The following TDRD5 variants were observed in gnomAD, a reference collection of about 807,000 sequenced individuals.
TDRD5 encodes the protein tudor domain containing 5.
TDRD5 carries 41 observed loss-of-function variants against 120.6 expected under a neutral mutation model. That is an observed-to-expected ratio of 0.34 (90% CI 0.26 to 0.44). The LOEUF (loss-of-function observed/expected upper bound fraction) is 0.44. Ranked by LOEUF, TDRD5 falls within the 20% of genes least tolerant of loss-of-function variation. TDRD5 has a pLI of 1.00. For synonymous variants in TDRD5, 430 were observed against 433.7 expected (o/e 0.99, Z 0.11); for missense variants, 1,006 against 1,221.2 (o/e 0.82, Z 2.63).
chr1:179,674,188 A>T (rs1415282920), intron 17 of TDRD5, among the ~76,000 whole-genome samples: 1 of 152,200 alleles, frequency 6.6e-6, no homozygotes, highest in Admixed American at 6.5e-5. Context: ...TGAGTTTGTC[A>T]TAGATGGATT....
At chr1:179,644,509 AT>A (rs1678233646) in intron 11 of TDRD5, among the ~76,000 whole-genome samples, 1 of 152,096 alleles carries the variant, frequency 6.6e-6, no homozygotes, top group African/African-American at 2.4e-5. Context: ...ATTTTGACTA[AT>A]TTTTTAATCT....
chr1:179,687,860 T>C (rs1243705205), intron 17 of TDRD5, among the ~76,000 whole-genome samples: 1 of 141,256 alleles, frequency 7.1e-6, no homozygotes, highest in Non-Finnish European at 1.5e-5. Flanking sequence ...AGACTAGGAT[T>C]GCAACCCCTG....
At chr1:179,654,162 A>G (rs756004042) in intron 13 of TDRD5, 39 bp from the exon 14 acceptor site, 5 of 1,461,250 alleles carry the variant, frequency 3.4e-6, no homozygotes, top group South Asian at 1.4e-5. Context: ...AAACAGCATT[A>G]ATATTTAAAA....
At chr1:179,623,625 CTTTTT>C (rs11428251) in intron 6 of TDRD5, among the ~76,000 whole-genome samples, 137 of 97,898 alleles carry the variant, frequency 1.4e-3, no homozygotes, top group African/African-American at 3.7e-3. Flanking sequence ...CCAACTCATT[CTTTTT>C]TTTTTTTTTT....
chr1:179,688,939 A>G (rs1051799082), intron 17 of TDRD5, among the ~76,000 whole-genome samples: 1 of 152,176 alleles, frequency 6.6e-6, no homozygotes, highest in African/African-American at 2.4e-5. Flanking sequence ...CTAGTTAGCC[A>G]TTCATCTAAT....
At chr1:179,599,615 A>G (rs1254354009) in intron 4 of TDRD5, among the ~76,000 whole-genome samples, 2 of 152,032 alleles carry the variant, frequency 1.3e-5, no homozygotes, top group Non-Finnish European at 2.9e-5. Flanking sequence ...AATTTATTGA[A>G]ATAAAGTTGT....
At chr1:179,621,394 A>G (rs918996811) in intron 6 of TDRD5, among the ~76,000 whole-genome samples, 1 of 152,114 alleles carries the variant, frequency 6.6e-6, no homozygotes, top group Admixed American at 6.6e-5. Context: ...AATACTTCAT[A>G]CACTGCTTGT....
At chr1:179,597,016 C>T (rs780737399) in intron 4 of TDRD5, among the ~76,000 whole-genome samples, 3 of 152,146 alleles carry the variant, frequency 2.0e-5, no homozygotes, top group Admixed American at 6.5e-5. Context: ...GTAGTGCTAT[C>T]TCATGGTTTT....
intron 17 of TDRD5, among the ~76,000 whole-genome samples, chr1:179,686,748 A>G (rs1016953445): frequency 6.6e-6 from 1 of 152,140 alleles, no homozygotes; most frequent in Non-Finnish European, 1.5e-5. Context: ...CAGGGATTCA[A>G]CTTCTTCCTG....
intron 16 of TDRD5, 78 bp downstream of exon 16, chr1:179,663,569 A>G (rs1287200042): frequency 6.0e-6 from 9 of 1,505,558 alleles, no homozygotes; most frequent in Non-Finnish European, 6.2e-6. Flanking sequence ...AATTGTCTCA[A>G]TTTACATATT....
At chr1:179,624,596 A>G (rs1677019632) in intron 6 of TDRD5, among the ~76,000 whole-genome samples, 1 of 152,242 alleles carries the variant, frequency 6.6e-6, no homozygotes, top group Non-Finnish European at 1.5e-5. Context: ...AAATCAATGT[A>G]TTTTCATATG....
chr1:179,597,605 C>T (rs1389625642), intron 4 of TDRD5, among the ~76,000 whole-genome samples: 1 of 152,164 alleles, frequency 6.6e-6, no homozygotes, highest in African/African-American at 2.4e-5. Context: ...GCTGGGATTG[C>T]AGATGTGAGC....
At chr1:179,631,402 T>A (rs2102001608) in intron 7 of TDRD5, among the ~76,000 whole-genome samples, 1 of 151,760 alleles carries the variant, frequency 6.6e-6, no homozygotes, top group African/African-American at 2.4e-5. Flanking sequence ...AAAATAAAAA[T>A]TTTTCTTGCT....
In TDRD5 at chr1:179,635,786, A is replaced by G; in HGVS notation, c.1419A>G (p.Ile473Met). The change falls in exon 9 of 18, where the codon ATA becomes ATG. Residue 473 changes from isoleucine (I) to methionine (M), a missense_variant. Around this residue, in one of 3 missense-constraint regions of TDRD5, gnomAD observed 158 missense variants for 257.5 expected, o/e 0.61. Coordinates refer to ENST00000444136, the MANE Select transcript of TDRD5 (RefSeq NM_001199085.3). The stretch of plus-strand genomic sequence containing the variant: ...CACCATTAGACACCAGTTCCCTCAT[A>G]GGGGTCTTTGTGGAGTATATCATCT... ...RLPPLDTSSL[I>M]GVFVEYIISP... The G allele has an allele frequency of 6.2e-7, 1 of 1,614,046 alleles. No individual in the cohort carries two copies. The highest frequency in any genetic ancestry group is 8.5e-7 in the Non-Finnish European group (1 of 1,180,016).
In TDRD5 at chr1:179,690,953, G is replaced by C. The variant is rs759253451; in HGVS notation, c.*10G>C. On this transcript the variant is annotated 3_prime_UTR_variant, in exon 18 of 18. Transcript: ENST00000444136. ...AAGGATGGAAGCATGAGGGAGGGAGGGAGGAGGGAGAAAAACAGAATCCAG... is the reference window on the plus strand; with the variant it reads ...AAGGATGGAAGCATGAGGGAGGGAGCGAGGAGGGAGAAAAACAGAATCCAG... 1 of 1,601,734 alleles carries C rather than the reference G, an allele frequency of 6.2e-7. No individual in the cohort carries two copies. The highest frequency in any genetic ancestry group is 8.5e-7 in the Non-Finnish European group (1 of 1,172,634).
At chr1:179,613,648 C>A (rs1396255668) in intron 4 of TDRD5, among the ~76,000 whole-genome samples, 1 of 152,092 alleles carries the variant, frequency 6.6e-6, no homozygotes, top group Non-Finnish European at 1.5e-5. Flanking sequence ...TTCATTGTGT[C>A]CCCACAATGC....
At chr1:179,670,075 G>A (rs779569821) in intron 17 of TDRD5, among the ~76,000 whole-genome samples, 8 of 152,072 alleles carry the variant, frequency 5.3e-5, no homozygotes, top group African/African-American at 1.2e-4. Flanking sequence ...TTCTGTAGAC[G>A]TATGTTTTTA....
intron 17 of TDRD5, among the ~76,000 whole-genome samples, chr1:179,688,573 T>C (rs1250408874): frequency 1.3e-5 from 2 of 152,214 alleles, no homozygotes; most frequent in Admixed American, 1.3e-4. Flanking sequence ...CTGTGTTTCC[T>C]GAATTTGAAT....
intron 17 of TDRD5, among the ~76,000 whole-genome samples, chr1:179,689,123 G>A (rs1323463209): frequency 6.6e-6 from 1 of 152,204 alleles, no homozygotes; most frequent in African/African-American, 2.4e-5. Flanking sequence ...GAGGAGAAGA[G>A]GAGCTCTGAT....
Sources: gnomAD v4.1 joint callset for allele counts (sites outside exome capture counted in the v4.1 genomes callset) on GRCh38, gnomAD v4.1.1 for gene constraint, gnomAD v4.1.1 regional missense constraint, MANE v1.5 for transcripts, NCBI Gene and HGNC (gene_info 2026-07-23, HGNC 2026-07-21) for gene names.